The following RNF144A variants were observed in gnomAD, a reference collection of about 807,000 sequenced individuals.
RNF144A encodes the protein ring finger protein 144A.
A neutral mutation model predicts 38.7 loss-of-function variants in RNF144A; 11 were observed. That is an observed-to-expected ratio of 0.28 (90% confidence interval 0.18 to 0.47). The LOEUF (loss-of-function observed/expected upper bound fraction) is 0.47. Ranked by LOEUF, RNF144A falls within the 20% of genes least tolerant of loss-of-function variation. The pLI, the probability that RNF144A is intolerant of heterozygous loss-of-function variation, is 0.99. For synonymous variants in RNF144A, 149 were observed against 143.9 expected (o/e 1.04, Z -0.25); for missense variants, 316 against 377.2 (o/e 0.84, Z 1.34).
At chr2:6,993,013 T>G (rs1188022002) in intron 2 of RNF144A, among the ~76,000 whole-genome samples, 3 of 152,250 alleles carry the variant, frequency 2.0e-5, no homozygotes, top group Non-Finnish European at 4.4e-5. Flanking sequence ...TTTCTTTTAT[T>G]GTGCATTGTG....
chr2:6,957,393 G>T (rs558671336), intron 2 of RNF144A, among the ~76,000 whole-genome samples: 5 of 152,190 alleles, frequency 3.3e-5, no homozygotes, highest in Non-Finnish European at 7.3e-5. Context: ...TCCCTTTTGT[G>T]TTATATTTGT....
At chr2:7,045,751 C>T (rs1673282618), downstream of RNF144A, among the ~76,000 whole-genome samples, 1 of 152,154 alleles carries the variant, frequency 6.6e-6, no homozygotes, top group Admixed American at 6.5e-5. Context: ...GGCTGTCTGG[C>T]CCCAGGGAGG....
chr2:6,953,616 T>C (rs566408572), intron 2 of RNF144A, among the ~76,000 whole-genome samples: 32 of 152,332 alleles, frequency 2.1e-4, no homozygotes, highest in Admixed American at 1.6e-3. Context: ...TCTATCTTAA[T>C]TGCATTGAGG....
In RNF144A at chr2:7,043,797, T is replaced by A. The variant is rs952474554; in HGVS notation, c.*4037T>A. The A allele has an allele frequency of 1.0e-6, 1 of 985,908 alleles. No individual in the cohort carries two copies. Among genetic ancestry groups the A allele is most frequent in the Admixed American group, 6.1e-5 (1 of 16,286 alleles). The allele number at this position is 985,908 out of a possible 1,614,324, so 61.1% of individuals were successfully genotyped here. ...GAGCCTTCAGTGAGGGGTAGCTACA[T>A]GCCCCATGCCTGCCCTTTCTTTCCT... On this transcript the variant is annotated 3_prime_UTR_variant, in exon 9 of 9. Transcript: ENST00000320892.
At chr2:6,934,498 G>T (rs1191680116) in intron 1 of RNF144A, among the ~76,000 whole-genome samples, 1 of 152,014 alleles carries the variant, frequency 6.6e-6, no homozygotes, top group African/African-American at 2.4e-5. Context: ...TATGTAGTTA[G>T]AACTTTACCA....
intron 3 of RNF144A, among the ~76,000 whole-genome samples, chr2:7,002,057 A>G (rs145847465): frequency 6.6e-6 from 1 of 152,324 alleles, no homozygotes; most frequent in East Asian, 1.9e-4. Flanking sequence ...TTGACCTGGT[A>G]TGCTGCAGAA....
intron 8 of RNF144A, among the ~76,000 whole-genome samples, chr2:7,036,170 G>C (rs1672665323): frequency 6.6e-6 from 1 of 152,300 alleles, no homozygotes; most frequent in Admixed American, 6.5e-5. Flanking sequence ...CGCTATCCCA[G>C]AAATCAGCCA....
rs560302855 is a variant in RNF144A at position 6,970,604 on chromosome 2, A to C, written c.-11-26312A>C. On this transcript the variant is annotated intron_variant, in intron 2 of 8. Coordinates refer to ENST00000320892, the MANE Select transcript of RNF144A (RefSeq NM_014746.6). ...GTCCCAAGCATTTTGGATGAGGGCT[A>C]TTCAACTGGTACCATTTTCCTCATT... Among the ~76,000 whole-genome samples, 38 of 152,340 alleles carry C rather than the reference A, an allele frequency of 2.5e-4. 1 individual carries two copies. In the South Asian group the frequency reaches 7.2e-3, roughly 29 times the overall value.
At chr2:6,925,782 C>A (rs1326306273) in intron 1 of RNF144A, among the ~76,000 whole-genome samples, 4 of 152,188 alleles carry the variant, frequency 2.6e-5, no homozygotes, top group African/African-American at 7.2e-5. Flanking sequence ...CATCTGCAAA[C>A]ACCCTAATAA....
chr2:7,067,472 C>G (rs990376095), intron 6 of RNF144A, among the ~76,000 whole-genome samples: 14 of 152,286 alleles, frequency 9.2e-5, no homozygotes, highest in African/African-American at 3.4e-4. Flanking sequence ...AGGCTTCAAG[C>G]TCAGTGTTTA....
intron 3 of RNF144A, among the ~76,000 whole-genome samples, chr2:6,998,843 A>G (rs1378040721): frequency 6.6e-6 from 1 of 150,894 alleles, no homozygotes; most frequent in Non-Finnish European, 1.5e-5. Flanking sequence ...ACTTGAAAGG[A>G]CATCTTCCCA....
chr2:7,049,014 G>A (rs900889780), downstream of RNF144A, among the ~76,000 whole-genome samples: 3 of 152,326 alleles, frequency 2.0e-5, no homozygotes, highest in South Asian at 6.2e-4. Flanking sequence ...GGGATTTACA[G>A]TGTAGACAAT....
At chr2:7,022,170 G>A (rs987131241) in intron 6 of RNF144A, among the ~76,000 whole-genome samples, 10 of 152,232 alleles carry the variant, frequency 6.6e-5, no homozygotes, top group Non-Finnish European at 1.5e-5. Flanking sequence ...CTGGAACTGA[G>A]GCTGCCTGTC....
Position 7,041,786 on chromosome 2 carries a change from G to A in RNF144A, c.*2026G>A, listed in dbSNP as rs1327385472. The A allele has an allele frequency of 1.0e-5, 10 of 985,548 alleles. No individual in the cohort carries two copies. Among genetic ancestry groups the A allele is most frequent in the Middle Eastern group, 5.2e-4 (1 of 1,914 alleles). The allele number at this position is 985,548 out of a possible 1,614,324, so 61.1% of individuals were successfully genotyped here. A position where few individuals can be genotyped will look rare whatever the true frequency, so the allele number is the denominator to read the frequency against. Reference sequence around the variant, plus strand: ...CTGCCTGAAATTGCTGCTGCCCATCGCATGAGCCCACACAGTAGCACCCCC... The same window carrying A: ...CTGCCTGAAATTGCTGCTGCCCATCACATGAGCCCACACAGTAGCACCCCC... On this transcript the variant is annotated 3_prime_UTR_variant, in exon 9 of 9. Coordinates refer to ENST00000320892, the MANE Select transcript of RNF144A (RefSeq NM_014746.6).
chr2:6,991,483 C>A (rs1403512496), intron 2 of RNF144A, among the ~76,000 whole-genome samples: 1 of 152,174 alleles, frequency 6.6e-6, no homozygotes. Context: ...TCTTATATCT[C>A]TACAAATCCA....
intron 2 of RNF144A, among the ~76,000 whole-genome samples, chr2:6,972,025 C>G (rs753206166): frequency 6.6e-6 from 1 of 152,110 alleles, no homozygotes; most frequent in Non-Finnish European, 1.5e-5. Flanking sequence ...CTCACATAGG[C>G]CCCTGGGGAG....
intron 2 of RNF144A, among the ~76,000 whole-genome samples, chr2:6,946,059 C>A (rs80274102): frequency 0.024 from 3,616 of 152,256 alleles, 155 homozygotes; most frequent in African/African-American, 0.084. Context: ...TGAGTGATAT[C>A]ATGCTTCTGG....
intron 5 of RNF144A, among the ~76,000 whole-genome samples, chr2:7,019,197 C>T (rs979216963): frequency 3.3e-5 from 5 of 152,186 alleles, no homozygotes; most frequent in African/African-American, 1.2e-4. Flanking sequence ...TTCTGGAGAG[C>T]TGAATCTGGC....
chr2:6,947,471 G>A (rs1666412469), intron 2 of RNF144A, among the ~76,000 whole-genome samples: 1 of 152,034 alleles, frequency 6.6e-6, no homozygotes, highest in African/African-American at 2.4e-5. Flanking sequence ...TGGTAATATA[G>A]GTTCAGAGAG....
Sources: allele counts gnomAD v4.1 joint callset (sites outside exome capture counted in the v4.1 genomes callset), GRCh38; gene constraint gnomAD v4.1.1; transcripts MANE v1.5; gene names NCBI Gene and HGNC (gene_info 2026-07-23, HGNC 2026-07-21).